Variants in AFAP1L2 observed in about 807,000 individuals in gnomAD.
AFAP1L2 encodes actin filament associated protein 1 like 2, also known as actin filament-associated protein 1-like 2.
AFAP1L2 carries 46 observed loss-of-function variants against 99.3 expected under a neutral mutation model. The ratio of observed to expected loss-of-function variants is 0.46; its 90% CI spans 0.37 to 0.59. AFAP1L2 has a LOEUF of 0.59. Among genes scored for constraint, AFAP1L2 ranks in the 20% least tolerant of loss-of-function variants. The pLI, the probability that AFAP1L2 is intolerant of heterozygous loss-of-function variation, is 0.00. For synonymous variants in AFAP1L2, 397 were observed against 419.1 expected, an observed-to-expected ratio of 0.95 and a Z score of 0.64; for missense variants, 959 against 1,034.9, an observed-to-expected ratio of 0.93 and a Z score of 1.01.
At chr10:114,300,810 C>T in intron 13 of AFAP1L2, 120 bp from the exon 14 acceptor site, 1 of 1,386,990 alleles carries the variant, frequency 7.2e-7, no homozygotes. Context: ...AGAGATCTCC[C>T]TCCCTGCTGG....
intron 5 of AFAP1L2, among the ~76,000 whole-genome samples, chr10:114,321,717 C>T (rs1458852235): frequency 6.6e-6 from 1 of 152,160 alleles, no homozygotes; most frequent in East Asian, 1.9e-4. Context: ...GCCACAGAGA[C>T]GAGGGTCACA....
intron 1 of AFAP1L2, among the ~76,000 whole-genome samples, chr10:114,380,794 A>C (rs1193775468): frequency 6.6e-6 from 1 of 152,228 alleles, no homozygotes; most frequent in Non-Finnish European, 1.5e-5. Flanking sequence ...GCAAATTTGG[A>C]CCCTTGTATC....
chr10:114,355,208 T>G (rs1467546336), intron 1 of AFAP1L2, among the ~76,000 whole-genome samples: 1 of 150,260 alleles, frequency 6.7e-6, no homozygotes, highest in Non-Finnish European at 1.5e-5. Flanking sequence ...TGGATGCGGG[T>G]GGGGGGAGGT....
chr10:114,349,555 GAAAAAAA>G (rs200302338), intron 1 of AFAP1L2, among the ~76,000 whole-genome samples: 1 of 123,782 alleles, frequency 8.1e-6, no homozygotes, highest in African/African-American at 3.2e-5. Context: ...TTGTCGCTTG[GAAAAAAA>G]AAAAAAAAAA....
At chr10:114,294,203 T>G (rs1309151113), downstream of AFAP1L2, among the ~76,000 whole-genome samples, 2 of 152,254 alleles carry the variant, frequency 1.3e-5, no homozygotes, top group African/African-American at 4.8e-5. Flanking sequence ...TATTTCAGAT[T>G]CTTTTAATCT....
chr10:114,326,146 G>T, intron 4 of AFAP1L2: 1 of 837,798 alleles, frequency 1.2e-6, no homozygotes, highest in Non-Finnish European at 1.6e-6. Context: ...TCCTGTCTAG[G>T]GTGGAGCCAG....
intron 1 of AFAP1L2, among the ~76,000 whole-genome samples, chr10:114,349,395 A>AG (rs2050101288): frequency 2.0e-5 from 3 of 149,108 alleles, no homozygotes; most frequent in African/African-American, 4.9e-5. Flanking sequence ...AAAAAAAAAA[A>AG]AAAAAAAAGA....
chr10:114,402,264 G>C (rs895604533), intron 1 of AFAP1L2, among the ~76,000 whole-genome samples: 5 of 152,156 alleles, frequency 3.3e-5, no homozygotes, highest in African/African-American at 1.2e-4. Flanking sequence ...TCAGAGATGG[G>C]CTTCATTTTG....
At chr10:114,321,184 T>C (rs2045226040) in intron 5 of AFAP1L2, among the ~76,000 whole-genome samples, 1 of 152,148 alleles carries the variant, frequency 6.6e-6, no homozygotes, top group Non-Finnish European at 1.5e-5. Context: ...TTAATGATGA[T>C]TTCTGAGATA....
the AFAP1L2 span, chr10:114,284,771 A>G: frequency 7.9e-7 from 1 of 1,259,384 alleles, no homozygotes; most frequent in Non-Finnish European, 1.1e-6. Flanking sequence ...CCACTGCTAG[A>G]GCAGGAAGCC....
At chr10:114,400,120 G>A (rs951521102) in intron 1 of AFAP1L2, among the ~76,000 whole-genome samples, 1 of 152,238 alleles carries the variant, frequency 6.6e-6, no homozygotes, top group African/African-American at 2.4e-5. Flanking sequence ...CTTGGCTTGA[G>A]GAAAGTCTCC....
intron 1 of AFAP1L2, chr10:114,363,170 T>G (rs1370559071): frequency 1.1e-5 from 11 of 985,212 alleles, no homozygotes; most frequent in Non-Finnish European, 1.3e-5. Context: ...GGGAAACGGG[T>G]TCCTGGGAAT....
At chr10:114,378,748 T>C (rs993250731) in intron 1 of AFAP1L2, among the ~76,000 whole-genome samples, 36 of 152,154 alleles carry the variant, frequency 2.4e-4, no homozygotes, top group Non-Finnish European at 3.5e-4. Context: ...CTCAAGACAG[T>C]CCAAGAAGTT....
At chr10:114,309,797 T>TC (rs1228796060) in intron 8 of AFAP1L2, among the ~76,000 whole-genome samples, 1 of 152,002 alleles carries the variant, frequency 6.6e-6, no homozygotes, top group African/African-American at 2.4e-5. Flanking sequence ...CAATAAAGCT[T>TC]CCCCCTGTCT....
intron 11 of AFAP1L2, 86 bp downstream of exon 11, chr10:114,304,633 T>C: frequency 8.0e-7 from 1 of 1,245,974 alleles, no homozygotes; most frequent in Non-Finnish European, 1.1e-6. Context: ...TCTCCCTTAG[T>C]AGCATTACAG....
At chr10:114,363,277 A>C in intron 1 of AFAP1L2, 1 of 664,870 alleles carries the variant, frequency 1.5e-6, no homozygotes, top group Non-Finnish European at 1.9e-6. Context: ...TTACCGTAAC[A>C]TGTAGCCTGC....
chr10:114,354,848 A>G (rs1312170124), intron 1 of AFAP1L2, among the ~76,000 whole-genome samples: 3 of 152,236 alleles, frequency 2.0e-5, no homozygotes, highest in African/African-American at 7.2e-5. Context: ...GCACCTGCCA[A>G]CTACAAGAAC....
chr10:114,310,238 T>A lies in AFAP1L2; in HGVS notation c.882+116A>T, dbSNP rs529225091. 230 of 1,105,460 alleles carry A rather than the reference T, an allele frequency of 2.1e-4. 1 individual carries two copies. The South Asian group carries it at 3.5e-3, about 17-fold the overall frequency. 68.5% of individuals were successfully genotyped at this position (1,105,460 alleles called of 1,614,324 possible). A position where few individuals can be genotyped will look rare whatever the true frequency, so the allele number is the denominator to read the frequency against. On this transcript the variant is annotated intron_variant, in intron 8 of 18. Transcript: ENST00000304129. ...CCACCCTGCCCGGCCTCAAGCATTGTATGTTTCTTATTAATTGGACTGAAA... is the reference window on the plus strand; with the variant it reads ...CCACCCTGCCCGGCCTCAAGCATTGAATGTTTCTTATTAATTGGACTGAAA...
At chr10:114,404,356 G>A in intron 1 of AFAP1L2, 84 bp downstream of exon 1, 1 of 1,431,712 alleles carries the variant, frequency 7.0e-7, no homozygotes, top group Non-Finnish European at 9.5e-7. Flanking sequence ...CCCGAGTCCT[G>A]GCAAGACGAG....
Sources: gnomAD v4.1 joint callset for allele counts (sites outside exome capture counted in the v4.1 genomes callset) on GRCh38, gnomAD v4.1.1 for gene constraint, MANE v1.5 for transcripts, NCBI Gene and HGNC (gene_info 2026-07-23, HGNC 2026-07-21) for gene names.